MGAT5B: variants seen among roughly 807,000 people sequenced by gnomAD.
MGAT5B encodes the protein alpha-1,6-mannosylglycoprotein 6-beta-N-acetylglucosaminyltransferase B.
MGAT5B carries 54 observed loss-of-function variants against 95.1 expected under a neutral mutation model. The ratio of observed to expected loss-of-function variants is 0.57; its 90% CI spans 0.46 to 0.71. The LOEUF (loss-of-function observed/expected upper bound fraction) is 0.71, where lower values mean the gene tolerates loss of function less well. Ranked by LOEUF, MGAT5B falls within the 30% of genes least tolerant of loss-of-function variation. The pLI is 0.00. For missense variants in MGAT5B, 935 were observed against 1,088.6 expected (o/e 0.86, Z 1.99); for synonymous variants, 464 against 451.0 (o/e 1.03, Z -0.36).
chr17:76,901,069 G>A lies in MGAT5B; in HGVS notation c.330-1486G>A, dbSNP rs114498474. On this transcript the variant is annotated intron_variant, in intron 3 of 17. Coordinates refer to ENST00000569840, the MANE Select transcript of MGAT5B (RefSeq NM_001199172.2). ...TTCGGTGTCTGCTTTGCTCCCACCT[G>A]TCACCCTGACTAGTCCCCCGATGTG... 7.6e-3 allele frequency among the ~76,000 whole-genome samples: 1,156 copies of A among 152,288 alleles called. 20 individuals are homozygous for A. The highest frequency in any genetic ancestry group is 0.026 in the African/African-American group (1,084 of 41,550).
chr17:76,897,892 CTAAAAAT>C (rs1968155257), intron 3 of MGAT5B, among the ~76,000 whole-genome samples: 3 of 151,474 alleles, frequency 2.0e-5, no homozygotes, highest in African/African-American at 7.3e-5. Context: ...CCTGTCTCTA[CTAAAAAT>C]ACAAAAATTA....
At chr17:76,899,217 A>C (rs1032659434) in intron 3 of MGAT5B, among the ~76,000 whole-genome samples, 4 of 152,114 alleles carry the variant, frequency 2.6e-5, no homozygotes, top group African/African-American at 7.2e-5. Context: ...TCTGGTTAGA[A>C]GGTAGGACAG....
intron 8 of MGAT5B, among the ~76,000 whole-genome samples, chr17:76,922,195 G>A (rs1416095660): frequency 2.0e-5 from 3 of 152,232 alleles, no homozygotes; most frequent in African/African-American, 7.2e-5. Flanking sequence ...CCAGAGATCT[G>A]TAGGGAAGCC....
chr17:76,894,886 A>G (rs1968010875), intron 3 of MGAT5B, among the ~76,000 whole-genome samples: 1 of 148,390 alleles, frequency 6.7e-6, no homozygotes, highest in African/African-American at 2.6e-5. Context: ...AAAAAAAGGC[A>G]AAAAAAAAGA....
intron 15 of MGAT5B, among the ~76,000 whole-genome samples, chr17:76,944,774 C>T (rs935216127): frequency 8.5e-5 from 13 of 152,220 alleles, no homozygotes; most frequent in African/African-American, 3.1e-4. Flanking sequence ...TCCCCTTGGC[C>T]AGAGGCCCCA....
intron 4 of MGAT5B, 109 bp from the exon 5 acceptor site, chr17:76,903,194 G>A (rs1347677944): frequency 2.4e-6 from 2 of 844,600 alleles, no homozygotes; most frequent in African/African-American, 3.5e-5. Context: ...GCTTTAAGGT[G>A]GGAAAGCCTG....
At chr17:76,874,804 G>A (rs1260372666) in intron 2 of MGAT5B, among the ~76,000 whole-genome samples, 1 of 152,150 alleles carries the variant, frequency 6.6e-6, no homozygotes, top group Non-Finnish European at 1.5e-5. Flanking sequence ...TCGGTGCTAT[G>A]CAGTTTTGCC....
intron 8 of MGAT5B, among the ~76,000 whole-genome samples, chr17:76,909,868 G>A (rs1313632342): frequency 2.0e-5 from 3 of 152,176 alleles, no homozygotes; most frequent in Admixed American, 1.3e-4. Context: ...GAATGCATTC[G>A]ATGATTAGGC....
At chr17:76,871,178 G>T (rs894379430) in intron 1 of MGAT5B, among the ~76,000 whole-genome samples, 1 of 152,142 alleles carries the variant, frequency 6.6e-6, no homozygotes, top group Non-Finnish European at 1.5e-5. Context: ...CCTCAGACTG[G>T]GAGGACAAAT....
chr17:76,897,927 A>G (rs1184428591), intron 3 of MGAT5B, among the ~76,000 whole-genome samples: 2 of 151,482 alleles, frequency 1.3e-5, no homozygotes, highest in African/African-American at 4.8e-5. Flanking sequence ...ATGGTGGCAC[A>G]TGCCTGTAAT....
intron 12 of MGAT5B, among the ~76,000 whole-genome samples, chr17:76,936,313 CAGG>C (rs940510286): frequency 2.0e-4 from 31 of 152,170 alleles, no homozygotes; most frequent in African/African-American, 7.2e-4. Flanking sequence ...GAGGCTGAGG[CAGG>C]AGAATTGTTT....
chr17:76,886,850 C>A (rs1234594853), intron 3 of MGAT5B, among the ~76,000 whole-genome samples: 3 of 152,114 alleles, frequency 2.0e-5, no homozygotes, highest in Non-Finnish European at 4.4e-5. Flanking sequence ...TCGAGACCAG[C>A]CTGGCCAACA....
At chr17:76,899,508 A>G (rs1968227792) in intron 3 of MGAT5B, among the ~76,000 whole-genome samples, 1 of 152,148 alleles carries the variant, frequency 6.6e-6, no homozygotes, top group Admixed American at 6.5e-5. Flanking sequence ...GTGGTGGCTC[A>G]TGCCTATTGT....
chr17:76,869,215 C>A lies in MGAT5B; in HGVS notation c.68+118C>A. 3 of 886,076 alleles carry A rather than the reference C, an allele frequency of 3.4e-6. No homozygotes were observed. Among genetic ancestry groups the A allele is most frequent in the East Asian group, 5.0e-5 (2 of 40,346 alleles). 54.9% of individuals were successfully genotyped at this position (886,076 alleles called of 1,614,324 possible). On this transcript the variant is annotated intron_variant, in intron 1 of 17. Coordinates refer to ENST00000569840, the MANE Select transcript of MGAT5B (RefSeq NM_001199172.2). This position sits in a 1 kb window ranked among gnomAD's most constrained non-coding sequence, Gnocchi z 7.0. ...AGAGGGGGCGGTTCACACTTCAACC[C>A]CTGGTGATGACCAGTGGGGCTGGGC...
chr17:76,901,434 G>T (rs1264048165), intron 3 of MGAT5B, among the ~76,000 whole-genome samples: 1 of 151,784 alleles, frequency 6.6e-6, no homozygotes, highest in Admixed American at 6.6e-5. Context: ...GCTTCCTGGA[G>T]AAAGACCCCC....
intron 8 of MGAT5B, among the ~76,000 whole-genome samples, chr17:76,909,007 A>G (rs951906000): frequency 2.6e-5 from 4 of 151,798 alleles, no homozygotes; most frequent in Admixed American, 6.6e-5. Context: ...GGATTTCACC[A>G]TATTGGTCAT....
In MGAT5B at chr17:76,939,737, A is replaced by G. The variant is rs893564176; in HGVS notation, c.1585-665A>G. Reference sequence around the variant, plus strand: ...CCATCTTTATGCCCATAAGTACCCAATGTTCAGCTCCCACTTATAAGTGAG... The same window carrying G: ...CCATCTTTATGCCCATAAGTACCCAGTGTTCAGCTCCCACTTATAAGTGAG... On this transcript the variant is annotated intron_variant, in intron 13 of 17. Coordinates refer to ENST00000569840, the MANE Select transcript of MGAT5B (RefSeq NM_001199172.2). Among the ~76,000 whole-genome samples the G allele has an allele frequency of 4.6e-5, 7 of 152,162 alleles. No homozygotes were observed. The South Asian group carries it at 8.3e-4, about 18-fold the overall frequency.
chr17:76,897,589 G>T (rs1968109134), intron 3 of MGAT5B, among the ~76,000 whole-genome samples: 1 of 151,874 alleles, frequency 6.6e-6, no homozygotes. Context: ...TTGGACTTAG[G>T]GTCAGCCTGA....
intron 9 of MGAT5B, 105 bp from the exon 10 acceptor site, chr17:76,926,492 T>A (rs1288993961): frequency 2.6e-6 from 3 of 1,165,402 alleles, no homozygotes; most frequent in Non-Finnish European, 2.4e-6. Flanking sequence ...TGTGCTACTC[T>A]GACTCCACCA....
Sources: gnomAD v4.1 joint callset for allele counts (sites outside exome capture counted in the v4.1 genomes callset) on GRCh38, gnomAD v4.1.1 for gene constraint, Gnocchi (gnomAD v3.1) non-coding constraint, MANE v1.5 for transcripts, NCBI Gene and HGNC (gene_info 2026-07-23, HGNC 2026-07-21) for gene names.